Variants in MORC4 observed in about 807,000 individuals in gnomAD.
MORC4 encodes MORC family CW-type zinc finger 4.
In MORC4, 22 loss-of-function variants were observed where a neutral mutation model predicts 65.5. That is an observed-to-expected ratio of 0.34 (90% CI 0.24 to 0.48). The LOEUF (loss-of-function observed/expected upper bound fraction) is 0.48. Ranked by LOEUF, MORC4 falls within the 20% of genes least tolerant of loss-of-function variation. The probability of loss-of-function intolerance (pLI) is 0.99; values close to 1 mark genes in which losing one functional copy is unlikely to be tolerated. For missense variants in MORC4, 624 were observed against 703.0 expected (o/e 0.89, Z 1.27); for synonymous variants, 267 against 255.8 (o/e 1.04, Z -0.42).
intron 13 of MORC4, among the ~76,000 whole-genome samples, chrX:106,955,999 G>A (rs1934097540): frequency 1.8e-5 from 2 of 111,484 alleles, no homozygotes; most frequent in African/African-American, 3.3e-5. Flanking sequence ...CCATGTCCGA[G>A]AGACAGTGCT....
At chrX:106,972,736 C>G (rs1437347170) in intron 9 of MORC4, among the ~76,000 whole-genome samples, 1 of 111,670 alleles carries the variant, frequency 9.0e-6, no homozygotes, top group East Asian at 2.8e-4. Context: ...GTCGGGAGTT[C>G]AAGACCAGAC....
At chrX:106,945,397 A>G (rs1234402012) in intron 14 of MORC4, among the ~76,000 whole-genome samples, 1 of 99,627 alleles carries the variant, frequency 1.0e-5, no homozygotes, top group African/African-American at 3.6e-5. Flanking sequence ...TCTTATTAAA[A>G]TGCATCACTT....
intron 9 of MORC4, among the ~76,000 whole-genome samples, chrX:106,967,202 G>A (rs762003077): frequency 3.0e-4 from 34 of 111,551 alleles, no homozygotes; most frequent in African/African-American, 1.1e-3. Flanking sequence ...AACTCCAACA[G>A]ACCTGCAGCT....
rs754578813 is a variant in MORC4, at chrX:106,942,938, G to A, written c.1953C>T (p.Asp651=). Reference sequence around the variant, plus strand: ...CAGGAAGCAGGGACCCCTGGCGTTGGTCTTTGGCCCCTGGATACAGAATTG... The same window carrying A: ...CAGGAAGCAGGGACCCCTGGCGTTGATCTTTGGCCCCTGGATACAGAATTG... ...EVSILYPGAK[D]QRQGSLLPEE... Residue 651 remains aspartate (D), a synonymous_variant, in exon 15 of 17, where the codon GAC becomes GAT. Coordinates refer to ENST00000355610, the MANE Select transcript of MORC4 (RefSeq NM_024657.5). 2.1e-5 allele frequency: 26 copies of A among 1,210,002 alleles called. No homozygotes were observed. Among genetic ancestry groups the A allele is most frequent in the Non-Finnish European group, 2.3e-5 (21 of 895,198 alleles).
intron 2 of MORC4, among the ~76,000 whole-genome samples, chrX:106,997,387 T>C (rs1178449757): frequency 1.8e-5 from 2 of 111,774 alleles, no homozygotes; most frequent in Non-Finnish European, 3.8e-5. Flanking sequence ...CTGACTTTCC[T>C]GAAGCACAGC....
intron 9 of MORC4, among the ~76,000 whole-genome samples, chrX:106,970,164 T>C (rs1934475179): frequency 8.9e-6 from 1 of 112,221 alleles, no homozygotes; most frequent in Non-Finnish European, 1.9e-5. Context: ...GATGCAAGGC[T>C]GGTTCAACAT....
At chrX:106,965,505 G>A (rs940287804) in intron 9 of MORC4, among the ~76,000 whole-genome samples, 10 of 112,069 alleles carry the variant, frequency 8.9e-5, no homozygotes, top group Non-Finnish European at 1.7e-4. Context: ...TTACTTTAAT[G>A]TAAATGGATT....
chrX:106,944,186 G>GT (rs753277487), intron 14 of MORC4, among the ~76,000 whole-genome samples: 1 of 112,041 alleles, frequency 8.9e-6, no homozygotes, highest in Non-Finnish European at 1.9e-5. Context: ...GAGAACACCG[G>GT]TAAGACAAAC....
At chrX:106,949,964 C>G (rs771903167) in intron 14 of MORC4, among the ~76,000 whole-genome samples, 4 of 112,096 alleles carry the variant, frequency 3.6e-5, no homozygotes, top group Non-Finnish European at 7.5e-5. Context: ...GGAGGTGCCC[C>G]TGGGTCAGAG....
chrX:106,949,135 C>T (rs1218074118), intron 14 of MORC4, among the ~76,000 whole-genome samples: 1 of 111,652 alleles, frequency 9.0e-6, no homozygotes, highest in Admixed American at 9.6e-5. Context: ...ACTTATCTAT[C>T]TTCAAGTTTT....
chrX:106,997,143 TACAAAC>T (rs1935096110), intron 2 of MORC4, among the ~76,000 whole-genome samples: 1 of 112,207 alleles, frequency 8.9e-6, no homozygotes, highest in African/African-American at 3.2e-5. Flanking sequence ...CTTCCTTTGT[TACAAAC>T]ACACACAAGG....
At chrX:106,999,205 T>G (rs1935131969) in intron 2 of MORC4, among the ~76,000 whole-genome samples, 1 of 111,086 alleles carries the variant, frequency 9.0e-6, no homozygotes, top group Non-Finnish European at 1.9e-5. Flanking sequence ...TCTTAAGAGA[T>G]GTCCCATCAT....
intron 9 of MORC4, among the ~76,000 whole-genome samples, chrX:106,964,272 G>T: frequency 9.0e-6 from 1 of 111,690 alleles, no homozygotes; most frequent in Middle Eastern, 4.6e-3. Flanking sequence ...TTCAAAGGCA[G>T]ATCTGATCAG....
intron 9 of MORC4, among the ~76,000 whole-genome samples, chrX:106,969,478 A>G (rs1459353860): frequency 8.9e-6 from 1 of 112,033 alleles, no homozygotes; most frequent in Non-Finnish European, 1.9e-5. Flanking sequence ...CTAAGATCAG[A>G]GCAGAAATGA....
In MORC4 at chrX:106,941,023, T is replaced by C. The variant is rs1196677847; in HGVS notation, c.*456A>G. 8.7e-6 allele frequency: 1 copy of C among 114,739 alleles called. No homozygotes were observed. The highest frequency in any genetic ancestry group is 1.8e-5 in the Non-Finnish European group (1 of 54,998). The allele number at this position is 114,739 out of a possible 1,213,427, so 9.5% of individuals were successfully genotyped here. A position where few individuals can be genotyped will look rare whatever the true frequency, so the allele number is the denominator to read the frequency against. On this transcript the variant is annotated 3_prime_UTR_variant, in exon 17 of 17. Coordinates refer to ENST00000355610, the MANE Select transcript of MORC4 (RefSeq NM_024657.5). Reference sequence around the variant, plus strand: ...TTTGTGTATAATGTGATGTATGTCTTATGTTTCCAACGAGATTGTTACATC... The same window carrying C: ...TTTGTGTATAATGTGATGTATGTCTCATGTTTCCAACGAGATTGTTACATC...
At chrX:106,985,002 T>C (rs1385620034) in intron 5 of MORC4, 94 bp downstream of exon 5, 4 of 840,257 alleles carry the variant, frequency 4.8e-6, no homozygotes, top group African/African-American at 2.1e-5. Context: ...GACCCTGTCT[T>C]TTTATAAAAA....
intron 13 of MORC4, among the ~76,000 whole-genome samples, chrX:106,956,029 A>G (rs1327827393): frequency 1.8e-5 from 2 of 111,513 alleles, no homozygotes; most frequent in African/African-American, 3.3e-5. Flanking sequence ...TCAAAACAGC[A>G]GAATTTTTAT....
At chrX:106,970,375 G>A (rs983682236) in intron 9 of MORC4, among the ~76,000 whole-genome samples, 15 of 112,012 alleles carry the variant, frequency 1.3e-4, no homozygotes, top group East Asian at 5.6e-4. Context: ...ATATCATACC[G>A]AATGGGCAAA....
chrX:106,942,247 A>G (rs1473785054), intron 15 of MORC4, 26 bp from the exon 16 acceptor site: 1 of 1,189,358 alleles, frequency 8.4e-7, no homozygotes, highest in Non-Finnish European at 1.1e-6. Flanking sequence ...CAGAAATTCA[A>G]TGACCCCACA....
Sources: allele counts gnomAD v4.1 joint callset (sites outside exome capture counted in the v4.1 genomes callset), GRCh38; gene constraint gnomAD v4.1.1; transcripts MANE v1.5; gene names NCBI Gene and HGNC (gene_info 2026-07-23, HGNC 2026-07-21).